Variants in OR2Z1 observed in about 807,000 individuals in gnomAD.
OR2Z1 encodes the protein olfactory receptor 2Z1.
For synonymous variants in OR2Z1, 188 were observed against 160.6 expected (o/e 1.17, Z -1.29); for missense variants, 449 against 401.8 (o/e 1.12, Z -1.00).
rs2043360055 is a variant in OR2Z1 at position 8,731,941 on chromosome 19, C to G, written c.913C>G (p.Leu305Val). Residue 305 changes from leucine (L) to valine (V), a missense_variant, in exon 3 of 3, where the codon CTT becomes GTT. Leu to Val is a conservative substitution (Grantham distance 32). Coordinates refer to ENST00000641125, the MANE Select transcript of OR2Z1 (RefSeq NM_001004699.3). ...GGTGTGGATGGCTTTGGTCAAAGTGCTTAGCAGAGCTGGACTCAGGCAAAT... is the reference window on the plus strand; with the variant it reads ...GGTGTGGATGGCTTTGGTCAAAGTGGTTAGCAGAGCTGGACTCAGGCAAAT... ...PEVWMALVKV[L>V]SRAGLRQMC 6.2e-7 allele frequency: 1 copy of G among 1,614,014 alleles called. No individual in the cohort carries two copies. The highest frequency in any genetic ancestry group is 8.5e-7 in the Non-Finnish European group (1 of 1,179,906).
intron 2 of OR2Z1, among the ~76,000 whole-genome samples, chr19:8,723,593 T>G (rs931977540): frequency 6.6e-6 from 1 of 150,606 alleles, no homozygotes; most frequent in African/African-American, 2.4e-5. Context: ...CATTTTTGGT[T>G]GGATTTTACA....
intron 2 of OR2Z1, among the ~76,000 whole-genome samples, chr19:8,726,939 T>A (rs1471974981): frequency 6.6e-6 from 1 of 152,170 alleles, no homozygotes; most frequent in Non-Finnish European, 1.5e-5. Context: ...TATTTATTTA[T>A]CTTTTTCTTA....
At chr19:8,727,637 C>A (rs979163738) in intron 2 of OR2Z1, among the ~76,000 whole-genome samples, 1 of 152,152 alleles carries the variant, frequency 6.6e-6, no homozygotes, top group Non-Finnish European at 1.5e-5. Context: ...GAGGCCAAGG[C>A]GAGCTGATCA....
In OR2Z1 at chr19:8,731,757, G is replaced by T; in HGVS notation, c.729G>T (p.Ser243=). 1 of 1,614,198 alleles carries T rather than the reference G, an allele frequency of 6.2e-7. No homozygotes were observed. The highest frequency in any genetic ancestry group is 8.5e-7 in the Non-Finnish European group (1 of 1,180,046). ...ACAAGGCTGTCACCACCTGCTCCTC[G>T]CACATCACGGTAGTGGGGCTCTTTT... is the stretch of plus-strand genomic sequence containing the variant. ...ARHKAVTTCS[S]HITVVGLFYG... The change falls in exon 3 of 3, where the codon TCG becomes TCT. Residue 243 remains serine (S), a synonymous_variant. Coordinates refer to ENST00000641125, the MANE Select transcript of OR2Z1 (RefSeq NM_001004699.3).
intron 2 of OR2Z1, among the ~76,000 whole-genome samples, chr19:8,724,084 C>A (rs1419050076): frequency 6.6e-6 from 1 of 151,368 alleles, no homozygotes; most frequent in African/African-American, 2.4e-5. Flanking sequence ...AATGCCGATG[C>A]AAGAACAAGG....
chr19:8,731,832 A>G lies in OR2Z1; in HGVS notation c.804A>G (p.Pro268=). Reference sequence around the variant, plus strand: ...TGGTGCCTTGCGCCTACCACAGTCCACAGCAGGATAACGTGGTTTCCCTCT... The same window carrying G: ...TGGTGCCTTGCGCCTACCACAGTCCGCAGCAGGATAACGTGGTTTCCCTCT... The part of the protein sequence containing the change: ...MYMVPCAYHS[P]QQDNVVSLFY... Residue 268 remains proline, a synonymous_variant, in exon 3 of 3, where the codon CCA becomes CCG. Transcript: ENST00000641125. 1 of 1,614,150 alleles carries G rather than the reference A, an allele frequency of 6.2e-7. No homozygotes were observed. The highest frequency in any genetic ancestry group is 8.5e-7 in the Non-Finnish European group (1 of 1,180,024).
Position 8,731,156 on chromosome 19 carries a change from C to T in OR2Z1, c.128C>T (p.Thr43Ile), listed in dbSNP as rs1555756693. ...VMFVIGLLGN[T>I]VLLFLIRVDS... ...TTTGTCATAGGCCTTCTGGGCAACA[C>T]CGTTCTTCTCTTCTTGATCCGTGTG... is the stretch of plus-strand genomic sequence containing the variant. Residue 43 changes from threonine (T) to isoleucine (I), a missense_variant, in exon 3 of 3, where the codon ACC becomes ATC. Coordinates refer to ENST00000641125, the MANE Select transcript of OR2Z1 (RefSeq NM_001004699.3). 9 of 1,614,116 alleles carry T rather than the reference C, an allele frequency of 5.6e-6. No homozygotes were observed. The highest frequency in any genetic ancestry group is 7.6e-6 in the Non-Finnish European group (9 of 1,180,022).
intron 1 of OR2Z1, among the ~76,000 whole-genome samples, chr19:8,722,492 C>T (rs1396504258): frequency 1.3e-5 from 2 of 152,010 alleles, no homozygotes; most frequent in Non-Finnish European, 2.9e-5. Context: ...TTTTGGCATC[C>T]CTGAGGAAAA....
chr19:8,727,197 G>A (rs1555756269), intron 2 of OR2Z1, among the ~76,000 whole-genome samples: 1 of 152,144 alleles, frequency 6.6e-6, no homozygotes, highest in African/African-American at 2.4e-5. Flanking sequence ...TCCCACTGCA[G>A]CCTCCCAAAG....
Position 8,731,020 on chromosome 19 carries a change from G to T in OR2Z1, c.-9G>T. 4 of 1,611,754 alleles carry T rather than the reference G, an allele frequency of 2.5e-6. No homozygotes were observed. Among genetic ancestry groups the T allele is most frequent in the South Asian group, 1.1e-5 (1 of 90,976 alleles). On this transcript the variant is annotated 5_prime_UTR_variant, in exon 3 of 3. Transcript: ENST00000641125. The stretch of plus-strand genomic sequence containing the variant: ...GTTCTTCCTGCAGCTAAAGTGCATT[G>T]TGTAAAACATGGGGGATGTGAATCA...
rs1485337589 is a variant in OR2Z1, at chr19:8,731,531, A to T, written c.503A>T (p.Tyr168Phe). Residue 168 changes from tyrosine (Y) to phenylalanine (F), a missense_variant, in exon 3 of 3, where the codon TAC becomes TTC. Transcript: ENST00000641125. The part of the protein sequence containing the change: ...IQTSITLHFP[Y>F]CASRIVDHFF... The stretch of plus-strand genomic sequence containing the variant: ...ACCTCCATCACCCTGCATTTTCCCT[A>T]CTGTGCCTCCCGTATTGTGGATCAC... The T allele has an allele frequency of 4.3e-6, 7 of 1,613,608 alleles. No homozygotes were observed. The highest frequency in any genetic ancestry group is 5.9e-6 in the Non-Finnish European group (7 of 1,179,958).
At chr19:8,726,667 G>A (rs1185096146) in intron 2 of OR2Z1, among the ~76,000 whole-genome samples, 3 of 152,194 alleles carry the variant, frequency 2.0e-5, no homozygotes, top group Non-Finnish European at 4.4e-5. Context: ...ACCTCTGAAT[G>A]TTTTATGCCC....
chr19:8,729,725 G>A lies in OR2Z1; in HGVS notation c.-169-1135G>A, dbSNP rs528118687. Among the ~76,000 whole-genome samples, 3 of 152,146 alleles carry A rather than the reference G, an allele frequency of 2.0e-5. No homozygotes were observed. In the East Asian group the frequency reaches 5.8e-4, roughly 29 times the overall value. On this transcript the variant is annotated intron_variant, in intron 2 of 2. Coordinates refer to ENST00000641125, the MANE Select transcript of OR2Z1 (RefSeq NM_001004699.3). Reference sequence around the variant, plus strand: ...TCTGCCTCAGCCTCCCGAATAGATGGGATTACAGGCATATGCCACCACGCT... The same window carrying A: ...TCTGCCTCAGCCTCCCGAATAGATGAGATTACAGGCATATGCCACCACGCT...
At chr19:8,730,778 C>T (rs2043348996) in intron 2 of OR2Z1, 82 bp from the exon 3 acceptor site, 10 of 550,086 alleles carry the variant, frequency 1.8e-5, no homozygotes, top group South Asian at 1.1e-4. Context: ...TGTGGCCAAG[C>T]GTCTCATTCA....
intron 2 of OR2Z1, among the ~76,000 whole-genome samples, chr19:8,725,982 G>A (rs2043325691): frequency 6.6e-6 from 1 of 151,706 alleles, no homozygotes; most frequent in African/African-American, 2.4e-5. Context: ...TTGGTGGGTG[G>A]AGGAGACGGA....
chr19:8,729,089 T>TC (rs1304435046), intron 2 of OR2Z1: 48 of 1,110,066 alleles, frequency 4.3e-5, no homozygotes, highest in Non-Finnish European at 5.5e-5. Flanking sequence ...ACATGTGGGA[T>TC]CTTTTTTTTA....
intron 2 of OR2Z1, chr19:8,728,995 G>T: frequency 1.3e-6 from 1 of 744,792 alleles, no homozygotes; most frequent in Non-Finnish European, 2.4e-6. Flanking sequence ...GAGTGGCCAA[G>T]CTTGTTTCTC....
At position 8,731,238 on chromosome 19, in the gene OR2Z1, C is replaced by T. The variant is rs782215983; in HGVS notation, c.210C>T (p.Asp70=). The change falls in exon 3 of 3, where the codon GAC becomes GAT. Residue 70 remains aspartate (D), a synonymous_variant. Transcript: ENST00000641125. ...TGCTCAGCCAGCTCTCCCTGTTTGA[C>T]ATTGGCTGTCCCATGGTCACCATCC... ...YFLLSQLSLF[D]IGCPMVTIPK... 1.2e-6 allele frequency: 2 copies of T among 1,614,170 alleles called. No individual in the cohort carries two copies. Among genetic ancestry groups the T allele is most frequent in the Admixed American group, 1.7e-5 (1 of 60,018 alleles).
chr19:8,730,046 G>A (rs1555756557), intron 2 of OR2Z1, among the ~76,000 whole-genome samples: 2 of 152,080 alleles, frequency 1.3e-5, no homozygotes, highest in Admixed American at 6.6e-5. Flanking sequence ...GCAATCCATG[G>A]TGTCTATATA....
Sources: gnomAD v4.1 joint callset for allele counts (sites outside exome capture counted in the v4.1 genomes callset) on GRCh38, gnomAD v4.1.1 for gene constraint, MANE v1.5 for transcripts, NCBI Gene and HGNC (gene_info 2026-07-23, HGNC 2026-07-21) for gene names.